The following OSBPL10 variants were observed in gnomAD, a reference collection of about 807,000 sequenced individuals.
OSBPL10 encodes oxysterol-binding protein-related protein 10.
Under a neutral mutation model 81.7 loss-of-function variants are expected in OSBPL10, and 49 were observed. That is an observed-to-expected ratio of 0.60 (90% confidence interval 0.48 to 0.76). The LOEUF is 0.76. Ranked by LOEUF, OSBPL10 falls within the 30% of genes least tolerant of loss-of-function variation. OSBPL10 has a pLI of 0.00. For missense variants in OSBPL10, 923 were observed against 987.8 expected (o/e 0.93, Z 0.88); for synonymous variants, 419 against 383.6 (o/e 1.09, Z -1.08).
At chr3:31,918,537 G>A (rs998934021) in intron 1 of OSBPL10, among the ~76,000 whole-genome samples, 3 of 152,056 alleles carry the variant, frequency 2.0e-5, no homozygotes, top group African/African-American at 7.2e-5. Flanking sequence ...AAAGGAAAAG[G>A]GTTAATGAGA....
chr3:31,841,301 C>G (rs1352207469), intron 3 of OSBPL10, among the ~76,000 whole-genome samples: 2 of 152,224 alleles, frequency 1.3e-5, no homozygotes, highest in African/African-American at 4.8e-5. Flanking sequence ...ACAGAGCCAA[C>G]AAGATTCATT....
chr3:32,009,019 A>C (rs931935031), intron 2 of OSBPL10, among the ~76,000 whole-genome samples: 1 of 152,202 alleles, frequency 6.6e-6, no homozygotes, highest in Non-Finnish European at 1.5e-5. Flanking sequence ...GGAAGACGAG[A>C]TAATTTACTC....
At chr3:31,871,877 C>T (rs1701336377) in intron 3 of OSBPL10, among the ~76,000 whole-genome samples, 2 of 152,126 alleles carry the variant, frequency 1.3e-5, no homozygotes, top group Non-Finnish European at 2.9e-5. Flanking sequence ...CACACACACA[C>T]ATGCACACGC....
chr3:31,852,816 T>C (rs1700803982), intron 3 of OSBPL10, among the ~76,000 whole-genome samples: 1 of 152,022 alleles, frequency 6.6e-6, no homozygotes, highest in Admixed American at 6.5e-5. Context: ...TGACCTCAAG[T>C]GATCCGCCTG....
intron 6 of OSBPL10, among the ~76,000 whole-genome samples, chr3:31,728,893 G>A (rs1221129923): frequency 6.6e-6 from 1 of 152,138 alleles, no homozygotes; most frequent in Non-Finnish European, 1.5e-5. Flanking sequence ...TATACCGGTT[G>A]AGCATCCCAA....
intron 11 of OSBPL10, chr3:31,662,957 G>C (rs1700102763): frequency 1.0e-6 from 1 of 985,312 alleles, no homozygotes; most frequent in African/African-American, 1.7e-5. Context: ...GTCTTCTCCA[G>C]GCAGCTTTCC....
intron 1 of OSBPL10, among the ~76,000 whole-genome samples, chr3:32,057,736 T>G (rs1350643133): frequency 2.0e-5 from 3 of 152,208 alleles, no homozygotes; most frequent in Non-Finnish European, 4.4e-5. Flanking sequence ...AAATGAGATG[T>G]GGGTGAGGAC....
intron 2 of OSBPL10, among the ~76,000 whole-genome samples, chr3:32,038,956 A>G (rs1699545396): frequency 6.6e-6 from 1 of 152,206 alleles, no homozygotes; most frequent in Non-Finnish European, 1.5e-5. Flanking sequence ...AAGTACAGAG[A>G]CAAAATAAAA....
At chr3:31,841,558 GC>G (rs1700499149) in intron 3 of OSBPL10, among the ~76,000 whole-genome samples, 1 of 152,162 alleles carries the variant, frequency 6.6e-6, no homozygotes, top group Non-Finnish European at 1.5e-5. Flanking sequence ...TATTTGTGTT[GC>G]CCCATCTCAG....
chr3:31,680,576 G>A (rs1700617244), intron 8 of OSBPL10, among the ~76,000 whole-genome samples: 1 of 152,152 alleles, frequency 6.6e-6, no homozygotes, highest in Non-Finnish European at 1.5e-5. Flanking sequence ...ACTCATCCGG[G>A]GTCTGCTGAG....
intron 1 of OSBPL10, among the ~76,000 whole-genome samples, chr3:31,921,223 C>T (rs1209097908): frequency 6.6e-6 from 1 of 152,018 alleles, no homozygotes; most frequent in African/African-American, 2.4e-5. Flanking sequence ...ATATATACAC[C>T]TTAGTACACA....
In OSBPL10 at chr3:31,990,247, G is replaced by A. The variant is rs1418807329; in HGVS notation, n.298+56244C>T. The A allele has an allele frequency of 2.5e-6, 4 of 1,613,964 alleles. No individual in the cohort carries two copies. The African/African-American group carries it at 4.0e-5, about 16-fold the overall frequency. Reference sequence around the variant, plus strand: ...GCAGTCAACACTTATTCACCATCAAGCAATCCATGGTATAGGGAAACTTTA... The same window carrying A: ...GCAGTCAACACTTATTCACCATCAAACAATCCATGGTATAGGGAAACTTTA... On this transcript the variant is annotated intron_variant and non_coding_transcript_variant, in intron 2 of 3. Coordinates refer to the OSBPL10 transcript ENST00000479173.
At chr3:31,846,972 C>A (rs1700649733) in intron 3 of OSBPL10, among the ~76,000 whole-genome samples, 1 of 152,146 alleles carries the variant, frequency 6.6e-6, no homozygotes, top group South Asian at 2.1e-4. Flanking sequence ...CTACAAAGAA[C>A]TTTTTGTGTG....
chr3:31,848,647 C>T (rs1379210124), intron 3 of OSBPL10, among the ~76,000 whole-genome samples: 1 of 152,178 alleles, frequency 6.6e-6, no homozygotes, highest in Non-Finnish European at 1.5e-5. Flanking sequence ...TCCCACATGC[C>T]TGTTCCCTGC....
intron 2 of OSBPL10, among the ~76,000 whole-genome samples, chr3:32,012,713 A>G (rs1343549679): frequency 1.3e-5 from 2 of 149,538 alleles, no homozygotes; most frequent in African/African-American, 5.1e-5. Flanking sequence ...ACGTGCAGAG[A>G]CACACTTAGG....
chr3:31,749,027 C>T (rs926291168), intron 4 of OSBPL10, among the ~76,000 whole-genome samples: 2 of 152,174 alleles, frequency 1.3e-5, no homozygotes, highest in African/African-American at 4.8e-5. Flanking sequence ...TCAAGCAACC[C>T]GCCCAAGGTC....
chr3:32,006,108 C>T (rs534614301), intron 2 of OSBPL10, among the ~76,000 whole-genome samples: 132 of 152,052 alleles, frequency 8.7e-4, no homozygotes, highest in Admixed American at 2.6e-3. Context: ...CCATGCCCAG[C>T]TAATTTTTGT....
intron 2 of OSBPL10, among the ~76,000 whole-genome samples, chr3:32,020,385 A>G (rs1418344280): frequency 6.6e-6 from 1 of 152,186 alleles, no homozygotes; most frequent in Non-Finnish European, 1.5e-5. Context: ...ATTTCATGTC[A>G]TACTATATGT....
intron 5 of OSBPL10, among the ~76,000 whole-genome samples, chr3:31,736,207 T>C (rs1697169298): frequency 1.3e-5 from 2 of 152,268 alleles, no homozygotes; most frequent in Non-Finnish European, 1.5e-5. Context: ...TATACAACAA[T>C]GTGAATGCAC....
Sources: allele counts gnomAD v4.1 joint callset (sites outside exome capture counted in the v4.1 genomes callset), GRCh38; gene constraint gnomAD v4.1.1; transcripts MANE v1.5; gene names NCBI Gene and HGNC (gene_info 2026-07-23, HGNC 2026-07-21).